NRXN1: variants seen among roughly 807,000 people sequenced by gnomAD.
The protein encoded by NRXN1 is neurexin 1.
Under a neutral mutation model 150.9 loss-of-function variants are expected in NRXN1, and 39 were observed. The observed-to-expected ratio is 0.26, with a 90% confidence interval of 0.20 to 0.34. The LOEUF is 0.34. Ranked by LOEUF, NRXN1 falls within the 10% of genes least tolerant of loss-of-function variation. The pLI is 1.00. For missense variants in NRXN1, 1,815 were observed against 1,949.9 expected (o/e 0.93, Z 1.30); for synonymous variants, 924 against 757.0 (o/e 1.22, Z -3.62).
intron 14 of NRXN1, 147 bp from the exon 15 acceptor site, chr2:50,496,242 C>G (rs2091612382): frequency 3.5e-6 from 2 of 574,464 alleles, no homozygotes; most frequent in South Asian, 2.8e-5. Context: ...ACTCAGCTAT[C>G]AAGAAGGTAA....
chr2:50,935,854 A>C (rs1688469049), intron 2 of NRXN1, among the ~76,000 whole-genome samples: 1 of 152,210 alleles, frequency 6.6e-6, no homozygotes. Flanking sequence ...ATGTATAATA[A>C]AAATTTATAA....
rs115817236 is a variant in NRXN1, at chr2:50,620,578, C to T, written c.1159-395G>A. ...TTAGTTGTCTGTTATTAACTAATCA[C>T]AACGTGCACCTTGTTAACATAAAAG... is the stretch of plus-strand genomic sequence containing the variant. On this transcript the variant is annotated intron_variant, in intron 7 of 22. Coordinates refer to ENST00000401669, the MANE Select transcript of NRXN1 (RefSeq NM_001330078.2). Among the ~76,000 whole-genome samples, 414 of 152,302 alleles carry T rather than the reference C, an allele frequency of 2.7e-3. 2 individuals are homozygous for T. Among genetic ancestry groups the T allele is most frequent in the African/African-American group, 9.6e-3 (401 of 41,572 alleles).
intron 19 of NRXN1, among the ~76,000 whole-genome samples, chr2:50,061,691 T>A (rs1392708270): frequency 6.6e-6 from 1 of 152,166 alleles, no homozygotes; most frequent in African/African-American, 2.4e-5. Flanking sequence ...AAGCAGAGCC[T>A]TCTCATTGAA....
At chr2:50,430,004 A>G (rs557633382) in intron 17 of NRXN1, among the ~76,000 whole-genome samples, 1 of 152,300 alleles carries the variant, frequency 6.6e-6, no homozygotes, top group Non-Finnish European at 1.5e-5. Flanking sequence ...CATAAAACAG[A>G]ATACACTCTG....
intron 5 of NRXN1, among the ~76,000 whole-genome samples, chr2:50,892,487 T>C (rs1165818463): frequency 3.9e-5 from 6 of 152,126 alleles, no homozygotes. Flanking sequence ...TACACTGGTG[T>C]AGTATTTAAT....
At chr2:50,403,828 C>T (rs1288625069) in intron 17 of NRXN1, among the ~76,000 whole-genome samples, 1 of 151,980 alleles carries the variant, frequency 6.6e-6, no homozygotes, top group African/African-American at 2.4e-5. Context: ...AGAAAATAGA[C>T]TCAAGTCTAA....
chr2:50,200,991 ATTTCATTAGGTCTTCT>A (rs1476063251), intron 18 of NRXN1, among the ~76,000 whole-genome samples: 2 of 151,974 alleles, frequency 1.3e-5, no homozygotes, highest in Non-Finnish European at 2.9e-5. Context: ...ATGGGTCTCT[ATTTCATTAGGTCTTCT>A]TTTATTTTAC....
In NRXN1 at chr2:51,027,549, A is replaced by C; in HGVS notation, c.725T>G (p.Val242Gly). Residue 242 changes from valine to glycine, a missense_variant, in exon 2 of 23, where the codon GTG (valine) becomes GGG (glycine). By Grantham distance (109) the Val-to-Gly change is moderately radical. Transcript: ENST00000401669. ...GVCSVVDDQA[V>G]CDCSRTGFRG... ...GAAGCCGGTTCGCGAGCAGTCGCAC[A>C]CGGCCTGGTCGTCCACCACGGAGCA... 1 of 1,589,554 alleles carries C rather than the reference A, an allele frequency of 6.3e-7. No homozygotes were observed. Among genetic ancestry groups the C allele is most frequent in the South Asian group, 1.1e-5 (1 of 89,390 alleles).
At chr2:50,568,070 TAC>T (rs1272754720) in intron 8 of NRXN1, among the ~76,000 whole-genome samples, 1 of 152,152 alleles carries the variant, frequency 6.6e-6, no homozygotes, top group Non-Finnish European at 1.5e-5. Context: ...ACAGTCCAGA[TAC>T]AGAGTGCTTG....
intron 5 of NRXN1, among the ~76,000 whole-genome samples, chr2:50,844,906 T>C (rs898815996): frequency 1.3e-5 from 2 of 151,914 alleles, no homozygotes; most frequent in African/African-American, 4.8e-5. Context: ...CAGGCTGGAG[T>C]GCAGTGGCGT....
At chr2:50,605,401 A>T (rs1676931534) in intron 8 of NRXN1, among the ~76,000 whole-genome samples, 1 of 152,222 alleles carries the variant, frequency 6.6e-6, no homozygotes, top group African/African-American at 2.4e-5. Flanking sequence ...ACACATTTGG[A>T]GGAGTTGCCC....
intron 8 of NRXN1, among the ~76,000 whole-genome samples, chr2:50,577,124 AGAT>A (rs1671552655): frequency 2.0e-5 from 3 of 152,136 alleles, no homozygotes; most frequent in Non-Finnish European, 4.4e-5. Context: ...TTTCACCTAA[AGAT>A]GATTCTTGGT....
At chr2:50,428,510 A>G (rs191801778) in intron 17 of NRXN1, among the ~76,000 whole-genome samples, 6 of 152,340 alleles carry the variant, frequency 3.9e-5, no homozygotes, top group Admixed American at 3.9e-4. Flanking sequence ...GAACTTTTGT[A>G]AATACATTTA....
intron 21 of NRXN1, among the ~76,000 whole-genome samples, chr2:49,978,219 T>C (rs776539032): frequency 1.3e-5 from 2 of 152,054 alleles, no homozygotes; most frequent in African/African-American, 2.4e-5. Context: ...TGAGGAAATA[T>C]ATAAAGGAGA....
At chr2:50,186,273 C>T (rs1400539131) in intron 18 of NRXN1, among the ~76,000 whole-genome samples, 1 of 152,048 alleles carries the variant, frequency 6.6e-6, no homozygotes, top group East Asian at 1.9e-4. Flanking sequence ...TTTGCTACAT[C>T]ATTACCAAAT....
intron 2 of NRXN1, among the ~76,000 whole-genome samples, chr2:50,950,579 G>GT (rs1691155524): frequency 6.6e-6 from 1 of 152,132 alleles, no homozygotes; most frequent in Non-Finnish European, 1.5e-5. Flanking sequence ...TTTCTTGGAA[G>GT]GGACTATTCT....
At chr2:50,649,545 A>G (rs1242445658) in intron 5 of NRXN1, among the ~76,000 whole-genome samples, 1 of 151,856 alleles carries the variant, frequency 6.6e-6, no homozygotes, top group East Asian at 1.9e-4. Context: ...GCTTAGTGAG[A>G]TTGGTTGGTT....
intron 17 of NRXN1, among the ~76,000 whole-genome samples, chr2:50,460,667 C>T (rs954850218): frequency 1.3e-5 from 2 of 152,022 alleles, no homozygotes; most frequent in African/African-American, 4.8e-5. Flanking sequence ...CTCTGTCATA[C>T]ATTATGCTTT....
chr2:50,742,280 C>CT (rs1050880865), intron 5 of NRXN1, among the ~76,000 whole-genome samples: 3 of 151,538 alleles, frequency 2.0e-5, no homozygotes, highest in African/African-American at 4.8e-5. Context: ...TATATATACT[C>CT]TTTTTTCTTT....
Sources: gnomAD v4.1 joint callset for allele counts (sites outside exome capture counted in the v4.1 genomes callset) on GRCh38, gnomAD v4.1.1 for gene constraint, MANE v1.5 for transcripts, NCBI Gene and HGNC (gene_info 2026-07-23, HGNC 2026-07-21) for gene names.